MYCBP2: variants seen among roughly 807,000 people sequenced by gnomAD.
MYCBP2 encodes the protein E3 ubiquitin-protein ligase MYCBP2.
MYCBP2 carries 120 observed loss-of-function variants against 525.3 expected under a neutral mutation model. That is an observed-to-expected ratio of 0.23 (90% CI 0.20 to 0.27). MYCBP2 has a LOEUF of 0.27. Among genes scored for constraint, MYCBP2 ranks in the 10% least tolerant of loss-of-function variants. The pLI is 1.00. For synonymous variants in MYCBP2, 1,894 were observed against 1,955.8 expected (o/e 0.97, Z 0.83); for missense variants, 4,149 against 5,657.1 (o/e 0.73, Z 8.55).
intron 26 of MYCBP2, among the ~76,000 whole-genome samples, chr13:77,195,548 G>T (rs2061677999): frequency 6.6e-6 from 1 of 152,102 alleles, no homozygotes; most frequent in Non-Finnish European, 1.5e-5. Context: ...AGAGAGCCAA[G>T]ATGGCATCAC....
chr13:77,295,620 G>T (rs1241881057), intron 2 of MYCBP2, among the ~76,000 whole-genome samples: 1 of 152,180 alleles, frequency 6.6e-6, no homozygotes, highest in Non-Finnish European at 1.5e-5. Flanking sequence ...TACAGGCCCA[G>T]CAAATCTATT....
chr13:77,124,544 T>C (rs954804062), intron 54 of MYCBP2, among the ~76,000 whole-genome samples: 157 of 152,316 alleles, frequency 1.0e-3, no homozygotes, highest in African/African-American at 3.6e-3. Flanking sequence ...CAAAACTTCA[T>C]GAGCAACTAG....
chr13:77,305,978 G>A (rs549939763), intron 1 of MYCBP2, among the ~76,000 whole-genome samples: 1 of 152,216 alleles, frequency 6.6e-6, no homozygotes, highest in African/African-American at 2.4e-5. Flanking sequence ...TTAGGCATAG[G>A]AGGAAAATGC....
intron 20 of MYCBP2, among the ~76,000 whole-genome samples, chr13:77,219,347 T>A (rs1180385576): frequency 6.6e-6 from 1 of 151,516 alleles, no homozygotes; most frequent in African/African-American, 2.4e-5. Context: ...GGCACCACAA[T>A]GCAGCAGATA....
chr13:77,326,320 A>C lies in MYCBP2; in HGVS notation c.302+154T>G, dbSNP rs1393007668. Among the ~76,000 whole-genome samples the C allele has an allele frequency of 6.6e-6, 1 of 151,168 alleles. No homozygotes were observed. Among genetic ancestry groups the C allele is most frequent in the Non-Finnish European group, 1.5e-5 (1 of 67,878 alleles). ...AGCCACCGCACCCTCCTATCTCGAT[A>C]AGTGCTCCTGCCAACAGACATCCAG... On this transcript the variant is annotated intron_variant, in intron 1 of 82. Coordinates refer to ENST00000544440, the MANE Select transcript of MYCBP2 (RefSeq NM_015057.5). The surrounding 1 kb of genome is among the most constrained non-coding windows in gnomAD (Gnocchi z 4.2).
rs2082295168 is a variant in MYCBP2 at position 77,326,283 on chromosome 13, A to ACACACC, written c.302+190_302+191insGGTGTG. Among the ~76,000 whole-genome samples, 1 of 146,552 alleles carries ACACACC rather than the reference A, an allele frequency of 6.8e-6. No homozygotes were observed. The highest frequency in any genetic ancestry group is 1.5e-5 in the Non-Finnish European group (1 of 66,828). On this transcript the variant is annotated intron_variant, in intron 1 of 82. Coordinates refer to ENST00000544440, the MANE Select transcript of MYCBP2 (RefSeq NM_015057.5). The surrounding 1 kb of genome is among the most constrained non-coding windows in gnomAD (Gnocchi z 4.2). ...CACACACACACACACACACACACAC[A>ACACACC]CGAGAAACTGCAGCCACCGCACCCT...
At position 77,176,631 on chromosome 13, in the gene MYCBP2, A is replaced by G. The variant is rs766133904; in HGVS notation, c.5341-3T>C. The G allele has an allele frequency of 9.8e-6, 5 of 509,648 alleles. No individual in the cohort carries two copies. The highest frequency in any genetic ancestry group is 1.4e-5 in the Non-Finnish European group (5 of 352,748). The allele number at this position is 509,648 out of a possible 1,614,324, so 31.6% of individuals were successfully genotyped here. The stretch of plus-strand genomic sequence containing the variant: ...GTTGAATCTCCTGCATGTTCACTCT[A>G]AAAAAAAAAAATGAAACACAAAAAT... On this transcript the variant is annotated splice_region_variant and splice_polypyrimidine_tract_variant and intron_variant, in intron 35 of 82. Coordinates refer to ENST00000544440, the MANE Select transcript of MYCBP2 (RefSeq NM_015057.5).
intron 37 of MYCBP2, among the ~76,000 whole-genome samples, chr13:77,172,397 T>C (rs2059232569): frequency 6.6e-6 from 1 of 152,144 alleles, no homozygotes; most frequent in African/African-American, 2.4e-5. Context: ...ACATAATGAC[T>C]TTACATTTTA....
chr13:77,126,551 T>A lies in MYCBP2; in HGVS notation c.7660-9A>T, dbSNP rs772040653. The A allele has an allele frequency of 6.2e-7, 1 of 1,603,874 alleles. No homozygotes were observed. The highest frequency in any genetic ancestry group is 8.5e-7 in the Non-Finnish European group (1 of 1,173,370). On this transcript the variant is annotated splice_polypyrimidine_tract_variant and intron_variant, in intron 52 of 82. Coordinates refer to ENST00000544440, the MANE Select transcript of MYCBP2 (RefSeq NM_015057.5). ...GTATTAGTTTTAGATTCCTGAAAATTTGAATAGGAAAGAAAAATAAACAAA... is the reference window on the plus strand; with the variant it reads ...GTATTAGTTTTAGATTCCTGAAAATATGAATAGGAAAGAAAAATAAACAAA...
At chr13:77,271,285 T>C (rs2074857059) in intron 5 of MYCBP2, among the ~76,000 whole-genome samples, 1 of 152,192 alleles carries the variant, frequency 6.6e-6, no homozygotes, top group African/African-American at 2.4e-5. Context: ...TCAAATGCAA[T>C]AAATAGTGTT....
rs768519120 is a variant in MYCBP2 at position 77,068,791 on chromosome 13, G to T, written c.11945C>A (p.Thr3982Asn). Residue 3982 changes from threonine to asparagine, a missense_variant, in exon 70 of 83, where the codon ACC becomes AAC. Coordinates refer to ENST00000544440, the MANE Select transcript of MYCBP2 (RefSeq NM_015057.5). Reference sequence around the variant, plus strand: ...ATGTTCCCATTCTTCACGGACTCTGGTAGCTTCCATGCGAATAGCTTGGAC... The same window carrying T: ...ATGTTCCCATTCTTCACGGACTCTGTTAGCTTCCATGCGAATAGCTTGGAC... Reference protein sequence around the residue: ...HIVQAIRMEATRVREEWEHAI... With the variant: ...HIVQAIRMEANRVREEWEHAI... The T allele has an allele frequency of 1.2e-6, 2 of 1,614,096 alleles. No individual in the cohort carries two copies. Among genetic ancestry groups the T allele is most frequent in the Non-Finnish European group, 1.7e-6 (2 of 1,180,002 alleles).
At chr13:77,106,651 T>C (rs2047896640) in intron 55 of MYCBP2, among the ~76,000 whole-genome samples, 1 of 152,112 alleles carries the variant, frequency 6.6e-6, no homozygotes, top group African/African-American at 2.4e-5. Context: ...CTTGAGGAGG[T>C]AGTGGAGCCG....
chr13:77,074,008 C>T (rs61074887), intron 68 of MYCBP2, among the ~76,000 whole-genome samples: 3,937 of 140,624 alleles, frequency 0.028, 229 homozygotes, highest in African/African-American at 0.095. Context: ...CACCGCCCCC[C>T]CCCCTTTTTT....
At chr13:77,286,256 T>C (rs986969156) in intron 3 of MYCBP2, among the ~76,000 whole-genome samples, 2 of 152,206 alleles carry the variant, frequency 1.3e-5, no homozygotes, top group Admixed American at 6.5e-5. Context: ...TGGATATGTA[T>C]AAGCTTTCAA....
At chr13:77,111,054 A>G (rs1263848476) in intron 55 of MYCBP2, among the ~76,000 whole-genome samples, 1 of 152,192 alleles carries the variant, frequency 6.6e-6, no homozygotes, top group East Asian at 1.9e-4. Flanking sequence ...AGCTTAAGTA[A>G]TGAGATATAC....
intron 59 of MYCBP2, among the ~76,000 whole-genome samples, chr13:77,091,199 C>T (rs141601776): frequency 6.6e-6 from 1 of 152,178 alleles, no homozygotes; most frequent in East Asian, 1.9e-4. Context: ...AGCTTATGTA[C>T]ATTCTTGTTT....
At chr13:77,205,105 G>C in intron 26 of MYCBP2, 151 bp downstream of exon 26, 1 of 556,480 alleles carries the variant, frequency 1.8e-6, no homozygotes. Context: ...TTTTAGCAAT[G>C]TTTTCTCTAT....
intron 55 of MYCBP2, among the ~76,000 whole-genome samples, chr13:77,107,062 G>A (rs565566330): frequency 3.3e-5 from 5 of 152,070 alleles, no homozygotes; most frequent in African/African-American, 1.2e-4. Flanking sequence ...TAATTCTATA[G>A]ATCTGTCACA....
chr13:77,097,234 A>G, intron 56 of MYCBP2, 136 bp downstream of exon 56: 1 of 1,231,536 alleles, frequency 8.1e-7, no homozygotes, highest in Non-Finnish European at 1.1e-6. Flanking sequence ...TGTACTGATA[A>G]TGTACTTTAA....
Sources: gnomAD v4.1 joint callset for allele counts (sites outside exome capture counted in the v4.1 genomes callset) on GRCh38, gnomAD v4.1.1 for gene constraint, Gnocchi (gnomAD v3.1) non-coding constraint, MANE v1.5 for transcripts, NCBI Gene and HGNC (gene_info 2026-07-23, HGNC 2026-07-21) for gene names.